The following FOXA2 variants were observed in gnomAD, a reference collection of about 807,000 sequenced individuals.
The protein encoded by FOXA2 is hepatocyte nuclear factor 3-beta.
Under a neutral mutation model 33.3 loss-of-function variants are expected in FOXA2, and 9 were observed. The observed-to-expected ratio is 0.27, with a 90% CI of 0.16 to 0.47. FOXA2 has a LOEUF of 0.47. FOXA2 is among the 20% of genes least tolerant of loss of function. The probability of loss-of-function intolerance (pLI) is 0.99; values close to 1 mark genes in which losing one functional copy is unlikely to be tolerated. For synonymous variants in FOXA2, 329 were observed against 289.4 expected (o/e 1.14, Z -1.39); for missense variants, 704 against 659.9 (o/e 1.07, Z -0.73).
Position 22,581,770 on chromosome 20 carries a change from A to G in FOXA2, c.*80T>C. ...GCGTCTCTGCAACACCGTCTCCCCA[A>G]AGTCTCGACCCCCACTTGCTCTCTC... On this transcript the variant is annotated 3_prime_UTR_variant, in exon 2 of 2. Transcript: ENST00000419308. 4 of 1,383,254 alleles carry G rather than the reference A, an allele frequency of 2.9e-6. No individual in the cohort carries two copies. The highest frequency in any genetic ancestry group is 3.0e-6 in the Non-Finnish European group (3 of 985,426). The allele number at this position is 1,383,254 out of a possible 1,614,324, so 85.7% of individuals were successfully genotyped here.
Position 22,583,142 on chromosome 20 carries a change from C to T in FOXA2, c.100G>A (p.Val34Met). Residue 34 changes from valine (V) to methionine (M), a missense_variant, in exon 2 of 2, where the codon GTG becomes ATG. Around this residue, in one of 5 missense-constraint regions of FOXA2, gnomAD observed 304 missense variants for 251.7 expected, o/e 1.21. Transcript: ENST00000419308. ...CCCAGGCCGGCGTTCATGTTGCTCACGGAGGAGTAGCCCTGCGGACAGAGC... is the reference window on the plus strand; with the variant it reads ...CCCAGGCCGGCGTTCATGTTGCTCATGGAGGAGTAGCCCTGCGGACAGAGC... ...YYAEPEGYSS[V>M]SNMNAGLGMN... 2 of 1,602,348 alleles carry T rather than the reference C, an allele frequency of 1.2e-6. No homozygotes were observed. The highest frequency in any genetic ancestry group is 1.7e-6 in the Non-Finnish European group (2 of 1,179,788).
rs556684561 is a variant in FOXA2, at chr20:22,582,507, C to A, written c.735G>T (p.Ser245=). ...KGSFWTLHPD[S]GNMFENGCYL... is the part of the protein sequence containing the mutation. ...AGCAGCCGTTCTCGAACATGTTGCCCGAGTCAGGGTGCAGGGTCCAGAAGG... is the reference window on the plus strand; with the variant it reads ...AGCAGCCGTTCTCGAACATGTTGCCAGAGTCAGGGTGCAGGGTCCAGAAGG... Residue 245 remains serine (S), a synonymous_variant, in exon 2 of 2, where the codon TCG becomes TCT. Coordinates refer to ENST00000419308, the MANE Select transcript of FOXA2 (RefSeq NM_021784.5). The A allele has an allele frequency of 6.2e-7, 1 of 1,614,076 alleles. No individual in the cohort carries two copies. Among genetic ancestry groups the A allele is most frequent in the Non-Finnish European group, 8.5e-7 (1 of 1,180,008 alleles).
chr20:22,582,963 C>T lies in FOXA2; in HGVS notation c.279G>A (p.Met93Ile). The change falls in exon 2 of 2, where the codon ATG becomes ATA. Residue 93 changes from methionine to isoleucine, a missense_variant. Physicochemically the swap from Met to Ile is conservative, Grantham distance 10. Coordinates refer to ENST00000419308, the MANE Select transcript of FOXA2 (RefSeq NM_021784.5). Reference protein sequence around the residue: ...LAGMSPGAGAMAGMGGSAGAA... With the variant: ...LAGMSPGAGAIAGMGGSAGAA... ...CCCCGGCCGAGCCGCCCATGCCCGC[C>T]ATGGCGCCCGCGCCGGGGGACATCC... 2 of 1,599,972 alleles carry T rather than the reference C, an allele frequency of 1.3e-6. No individual in the cohort carries two copies. Among genetic ancestry groups the T allele is most frequent in the Non-Finnish European group, 1.7e-6 (2 of 1,176,260 alleles).
At chr20:22,584,856 G>T (rs912431327), upstream of FOXA2, among the ~76,000 whole-genome samples, 1 of 152,092 alleles carries the variant, frequency 6.6e-6, no homozygotes, top group Non-Finnish European at 1.5e-5. Flanking sequence ...AGAGGTAGCC[G>T]CAGCCGGCGC....
At position 22,582,261 on chromosome 20, in the gene FOXA2, C is replaced by A; in HGVS notation, c.981G>T (p.Glu327Asp). ...CQEHKRGGLGELKGTPAAALS... is the reference protein window; with the variant it reads ...CQEHKRGGLGDLKGTPAAALS... Reference sequence around the variant, plus strand: ...GCGCCGCAGCCGGCGTCCCCTTCAGCTCTCCCAGGCCCCCTCGCTTGTGCT... The same window carrying A: ...GCGCCGCAGCCGGCGTCCCCTTCAGATCTCCCAGGCCCCCTCGCTTGTGCT... The change falls in exon 2 of 2, where the codon GAG (glutamate) becomes GAT (aspartate). Residue 327 changes from glutamate to aspartate, a missense_variant. Coordinates refer to ENST00000419308, the MANE Select transcript of FOXA2 (RefSeq NM_021784.5). 6.8e-7 allele frequency: 1 copy of A among 1,468,576 alleles called. No homozygotes were observed. The highest frequency in any genetic ancestry group is 8.9e-7 in the Non-Finnish European group (1 of 1,117,964). The allele number at this position is 1,468,576 out of a possible 1,614,324, so 91.0% of individuals were successfully genotyped here. A position where few individuals can be genotyped will look rare whatever the true frequency, so the allele number is the denominator to read the frequency against.
intron 1 of FOXA2, among the ~76,000 whole-genome samples, chr20:22,583,864 C>G (rs1467854351): frequency 1.3e-5 from 2 of 152,168 alleles, no homozygotes; most frequent in African/African-American, 2.4e-5. Context: ...CAGCTCCCCA[C>G]CCCCTCGCCG....
rs778852896 is a variant in FOXA2, at chr20:22,584,243, C to T, written c.36G>A (p.Lys12=). The change falls in exon 1 of 2, where the codon AAG becomes AAA. Residue 12 remains lysine, a synonymous_variant. Transcript: ENST00000419308. Reference sequence around the variant, plus strand: ...AGTCGGACGGCTCGTGCCCTTCCATCTTCACCGCTCCCAGCATACTGGAAG... The same window carrying T: ...AGTCGGACGGCTCGTGCCCTTCCATTTTCACCGCTCCCAGCATACTGGAAG... ...HSASSMLGAV[K]MEGHEPSDWS... 5 of 1,613,888 alleles carry T rather than the reference C, an allele frequency of 3.1e-6. No individual in the cohort carries two copies. The Admixed American group carries it at 5.0e-5, about 16-fold the overall frequency.
intron 1 of FOXA2, 101 bp downstream of exon 1, chr20:22,584,091 T>C (rs1235118446): frequency 9.5e-7 from 1 of 1,057,316 alleles, no homozygotes; most frequent in Non-Finnish European, 1.4e-6. Context: ...GCTGGGGTTG[T>C]GGGGCGGGGT....
rs751531721 is a variant in FOXA2 at position 22,582,274 on chromosome 20, C to G, written c.968G>C (p.Gly323Ala). 5 of 1,467,454 alleles carry G rather than the reference C, an allele frequency of 3.4e-6. No homozygotes were observed. The highest frequency in any genetic ancestry group is 3.6e-6 in the Non-Finnish European group (4 of 1,118,050). The allele number at this position is 1,467,454 out of a possible 1,614,324, so 90.9% of individuals were successfully genotyped here. Reference protein sequence around the residue: ...SASPCQEHKRGGLGELKGTPA... With the variant: ...SASPCQEHKRAGLGELKGTPA... ...CGTCCCCTTCAGCTCTCCCAGGCCC[C>G]CTCGCTTGTGCTCCTGGCACGGGGA... is the stretch of plus-strand genomic sequence containing the variant. Residue 323 changes from glycine to alanine, a missense_variant, in exon 2 of 2, where the codon GGG becomes GCG. Gly to Ala is a moderately conservative substitution (Grantham distance 60, BLOSUM62 0). Around this residue, in one of 5 missense-constraint regions of FOXA2, gnomAD observed 343 missense variants for 274.8 expected, o/e 1.25. Transcript: ENST00000419308.
upstream of FOXA2, among the ~76,000 whole-genome samples, chr20:22,584,766 T>C (rs899775012): frequency 7.9e-5 from 12 of 151,412 alleles, no homozygotes; most frequent in African/African-American, 2.9e-4. Flanking sequence ...AGGCTGGTGA[T>C]ATAGCGCGGC....
Position 22,582,917 on chromosome 20 carries a change from C to T in FOXA2, c.325G>A (p.Gly109Arg). The T allele has an allele frequency of 1.3e-6, 2 of 1,516,166 alleles. No homozygotes were observed. The highest frequency in any genetic ancestry group is 1.9e-4 in the Middle Eastern group (1 of 5,246). The allele number at this position is 1,516,166 out of a possible 1,614,324, so 93.9% of individuals were successfully genotyped here. A position where few individuals can be genotyped will look rare whatever the true frequency, so the allele number is the denominator to read the frequency against. ...CTCAGGCTGGGACTCAAGTGCGGCCCCATGCCCGCCACGCCGGCCGCCCCG... is the reference window on the plus strand; with the variant it reads ...CTCAGGCTGGGACTCAAGTGCGGCCTCATGCCCGCCACGCCGGCCGCCCCG... ...SAGAAGVAGM[G>R]PHLSPSLSPL... Residue 109 changes from glycine (G) to arginine (R), a missense_variant, in exon 2 of 2, where the codon GGG becomes AGG. By Grantham distance (125) the Gly-to-Arg change is moderately radical. Coordinates refer to ENST00000419308, the MANE Select transcript of FOXA2 (RefSeq NM_021784.5).
chr20:22,582,232 C>A lies in FOXA2; in HGVS notation c.1010G>T (p.Ser337Ile). ...ELKGTPAAAL[S>I]PPEPAPSPGQ... ...GGGAGAGGGCGCCGGCTCTGGGGGG[C>A]TCAGCGCCGCAGCCGGCGTCCCCTT... is the stretch of plus-strand genomic sequence containing the variant. Residue 337 changes from serine (S) to isoleucine (I), a missense_variant, in exon 2 of 2, where the codon AGC (serine) becomes ATC (isoleucine). Ser to Ile is a moderately radical substitution (Grantham distance 142). This residue lies in a region of FOXA2 where 343 missense variants were observed against 274.8 expected (regional missense o/e 1.25). Transcript: ENST00000419308. 6.7e-7 allele frequency: 1 copy of A among 1,486,188 alleles called. No individual in the cohort carries two copies. Among genetic ancestry groups the A allele is most frequent in the South Asian group, 1.4e-5 (1 of 72,732 alleles). The allele number at this position is 1,486,188 out of a possible 1,614,324, so 92.1% of individuals were successfully genotyped here. A position where few individuals can be genotyped will look rare whatever the true frequency, so the allele number is the denominator to read the frequency against.
upstream of FOXA2, among the ~76,000 whole-genome samples, chr20:22,585,094 C>T (rs1267505470): frequency 6.6e-6 from 1 of 152,290 alleles, no homozygotes; most frequent in South Asian, 2.1e-4. Flanking sequence ...CTCATCGCGC[C>T]GGGCGCCCGG....
chr20:22,581,636 G>T lies in FOXA2; in HGVS notation c.*214C>A. 1 of 512,780 alleles carries T rather than the reference G, an allele frequency of 2.0e-6. No homozygotes were observed. The highest frequency in any genetic ancestry group is 3.5e-6 in the Non-Finnish European group (1 of 289,500). The allele number at this position is 512,780 out of a possible 1,614,324, so 31.8% of individuals were successfully genotyped here. A position where few individuals can be genotyped will look rare whatever the true frequency, so the allele number is the denominator to read the frequency against. ...TCCCGTTTTCCTCCTTATATAGAAC[G>T]TGGGGTATCTGTGTGGCCCTCTGTT... On this transcript the variant is annotated 3_prime_UTR_variant, in exon 2 of 2. Transcript: ENST00000419308.
intron 1 of FOXA2, among the ~76,000 whole-genome samples, chr20:22,583,695 G>A (rs1203911): frequency 0.02 from 2,999 of 152,276 alleles, 95 homozygotes; most frequent in African/African-American, 0.059. Flanking sequence ...TGCGGAGTGC[G>A]GGGGCGGCTG....
Position 22,584,194 on chromosome 20 carries a change from C to G in FOXA2, c.85G>C (p.Glu29Gln). ...CCCTGGAAAAGACGAGCGCTTACCTCGGGCTCTGCATAGTAGCTGCTCCAG... is the reference window on the plus strand; with the variant it reads ...CCCTGGAAAAGACGAGCGCTTACCTGGGGCTCTGCATAGTAGCTGCTCCAG... ...SDWSSYYAEP[E>Q]GYSSVSNMNA... is the part of the protein sequence containing the mutation. The change falls in exon 1 of 2, where the codon GAG (glutamate) becomes CAG (glutamine). Residue 29 changes from glutamate (E) to glutamine (Q), a missense_variant and splice_region_variant. This residue lies in a region of FOXA2 where 304 missense variants were observed against 251.7 expected (regional missense o/e 1.21). Coordinates refer to ENST00000419308, the MANE Select transcript of FOXA2 (RefSeq NM_021784.5). 1 of 1,613,648 alleles carries G rather than the reference C, an allele frequency of 6.2e-7. No individual in the cohort carries two copies.
chr20:22,585,047 C>T (rs1339115037), upstream of FOXA2, among the ~76,000 whole-genome samples: 2 of 152,150 alleles, frequency 1.3e-5, no homozygotes, highest in African/African-American at 2.4e-5. Context: ...AGGAAACCAC[C>T]CTCTGGGGCG....
chr20:22,582,903 A>G lies in FOXA2; in HGVS notation c.339T>C (p.Ser113=). Reference sequence around the variant, plus strand: ...GCCCCCCGAGCGGGCTCAGGCTGGGACTCAAGTGCGGCCCCATGCCCGCCA... The same window carrying G: ...GCCCCCCGAGCGGGCTCAGGCTGGGGCTCAAGTGCGGCCCCATGCCCGCCA... ...AGVAGMGPHL[S]PSLSPLGGQA... is the part of the protein sequence containing the mutation. Residue 113 remains serine (S), a synonymous_variant, in exon 2 of 2, where the codon AGT becomes AGC. Transcript: ENST00000419308. The G allele has an allele frequency of 1.3e-6, 2 of 1,561,374 alleles. No individual in the cohort carries two copies. The highest frequency in any genetic ancestry group is 1.7e-6 in the Non-Finnish European group (2 of 1,159,608).
rs555014032 is a variant in FOXA2, at chr20:22,584,096, C to T, written c.87+96G>A. The T allele has an allele frequency of 1.3e-5, 14 of 1,078,618 alleles. No homozygotes were observed. In the African/African-American group the frequency reaches 2.3e-4, roughly 18 times the overall value. The allele number at this position is 1,078,618 out of a possible 1,614,324, so 66.8% of individuals were successfully genotyped here. A position where few individuals can be genotyped will look rare whatever the true frequency, so the allele number is the denominator to read the frequency against. On this transcript the variant is annotated intron_variant, in intron 1 of 1. Coordinates refer to ENST00000419308, the MANE Select transcript of FOXA2 (RefSeq NM_021784.5). ...GCCCAGAAAGGCTGGGGTTGTGGGG[C>T]GGGGTGGGGGGGTGCCAGCGAGGGA... is the stretch of plus-strand genomic sequence containing the variant.
Sources: allele counts gnomAD v4.1 joint callset (sites outside exome capture counted in the v4.1 genomes callset), GRCh38; gene constraint gnomAD v4.1.1; regional missense constraint gnomAD v4.1.1; transcripts MANE v1.5; gene names NCBI Gene and HGNC (gene_info 2026-07-23, HGNC 2026-07-21).